The following XPNPEP3 variants were observed in gnomAD, a reference collection of about 807,000 sequenced individuals.
XPNPEP3 encodes the protein xaa-Pro aminopeptidase 3.
Under a neutral mutation model 60.0 loss-of-function variants are expected in XPNPEP3, and 41 were observed. The observed-to-expected ratio is 0.68, with a 90% CI of 0.53 to 0.89. The LOEUF is 0.89. XPNPEP3 is among the 40% of genes least tolerant of loss of function. XPNPEP3 has a pLI of 0.00. For synonymous variants in XPNPEP3, 212 were observed against 223.2 expected (o/e 0.95, Z 0.45); for missense variants, 598 against 638.9 (o/e 0.94, Z 0.69).
rs1399498007 is a variant in XPNPEP3 at position 40,929,684 on chromosome 22, AGTCCCAGATTAACTAACTATAG to A, written c.*3250_*3271del. 6.6e-6 allele frequency: 1 copy of A among 152,156 alleles called. No individual in the cohort carries two copies. The highest frequency in any genetic ancestry group is 1.9e-4 in the East Asian group (1 of 5,196). The allele number at this position is 152,156 out of a possible 1,614,324, so 9.4% of individuals were successfully genotyped here. Reference sequence around the variant, plus strand: ...CCTGACCCAGGTATATTGTCCTTTGAGTCCCAGATTAACTAACTATAGCAGCTAAGCATTTGAATCAGACTTC... The same window carrying A: ...CCTGACCCAGGTATATTGTCCTTTGACAGCTAAGCATTTGAATCAGACTTC... On this transcript the variant is annotated 3_prime_UTR_variant, in exon 10 of 10. Transcript: ENST00000357137.
chr22:40,885,270 G>T (rs1569021152), intron 3 of XPNPEP3, among the ~76,000 whole-genome samples: 2 of 152,046 alleles, frequency 1.3e-5, no homozygotes, highest in East Asian at 3.9e-4. Context: ...CTTCTCACTT[G>T]GATTGTTAGG....
intron 2 of XPNPEP3, among the ~76,000 whole-genome samples, chr22:40,877,678 T>C (rs779749403): frequency 1.3e-4 from 20 of 152,198 alleles, no homozygotes; most frequent in Non-Finnish European, 2.4e-4. Flanking sequence ...TCTTAAGTGG[T>C]TCCACATCAT....
chr22:40,869,709 G>A (rs527702782), intron 2 of XPNPEP3, among the ~76,000 whole-genome samples: 3 of 152,230 alleles, frequency 2.0e-5, no homozygotes, highest in South Asian at 2.1e-4. Flanking sequence ...AGATCCCAGC[G>A]TTGCTGCCAG....
intron 1 of XPNPEP3, among the ~76,000 whole-genome samples, chr22:40,859,087 C>T (rs1799385326): frequency 6.6e-6 from 1 of 152,094 alleles, no homozygotes; most frequent in Non-Finnish European, 1.5e-5. Context: ...GAGATGTGTT[C>T]CGCAGTAATT....
chr22:40,898,237 T>A lies in XPNPEP3; in HGVS notation c.793-9350T>A, dbSNP rs1331845499. On this transcript the variant is annotated intron_variant, in intron 4 of 9. Transcript: ENST00000357137. ...AGGTCTTTGACCCATTTTTTTTTTT[T>A]TTTTTTTTTTTTTTTTTTTTTTTTT... Among the ~76,000 whole-genome samples, 4 of 55,118 alleles carry A rather than the reference T, an allele frequency of 7.3e-5. No individual in the cohort carries two copies. The South Asian group carries it at 2.8e-3, about 38-fold the overall frequency. The allele number at this position is 55,118 out of a possible 152,430, so 36.2% of individuals were successfully genotyped here.
chr22:40,862,731 A>G (rs1034915879), intron 1 of XPNPEP3: 1 of 985,458 alleles, frequency 1.0e-6, no homozygotes, highest in African/African-American at 1.7e-5. Context: ...TTACTGCTGT[A>G]AAACATGTAA....
Position 40,861,441 on chromosome 22 carries a change from A to G in XPNPEP3, c.64+4196A>G, listed in dbSNP as rs200811246. ...GATTTTGTCTGAAGTTGTAACAGAT[A>G]TGTAGTTGTCCATCCCACTATTATC... On this transcript the variant is annotated intron_variant, in intron 1 of 9. Transcript: ENST00000357137. 8.0e-5 allele frequency: 129 copies of G among 1,614,000 alleles called. 1 individual carries two copies. The highest frequency in any genetic ancestry group is 1.2e-4 in the South Asian group (11 of 91,050).
At position 40,888,970 on chromosome 22, in the gene XPNPEP3, G is replaced by A. The variant is rs555507973; in HGVS notation, c.792+2455G>A. ...TTGTATTTCCCTAATGATTAGTGGT[G>A]TTGGGCATCTTTTTATGTGCTTCCT... On this transcript the variant is annotated intron_variant, in intron 4 of 9. Transcript: ENST00000357137. 3.9e-4 allele frequency among the ~76,000 whole-genome samples: 59 copies of A among 151,778 alleles called. 1 individual carries two copies. Among genetic ancestry groups the A allele is most frequent in the Admixed American group, 2.1e-3 (32 of 15,244 alleles).
chr22:40,891,154 G>A (rs2058086582), intron 4 of XPNPEP3, among the ~76,000 whole-genome samples: 2 of 127,762 alleles, frequency 1.6e-5, no homozygotes, highest in Non-Finnish European at 3.2e-5. Flanking sequence ...ACCAACCTAG[G>A]CCTCATAGTA....
Position 40,907,595 on chromosome 22 carries a change from A to G in XPNPEP3, c.801A>G (p.Ile267Met). Reference protein sequence around the residue: ...IAGKLTSQAFIETMFTSKAPV... With the variant: ...IAGKLTSQAFMETMFTSKAPV... ...CTCCTTTCTCTTTGCAGGCTTTCAT[A>G]GAAACCATGTTCACCAGTAAAGCCC... is the stretch of plus-strand genomic sequence containing the variant. The change falls in exon 5 of 10, where the codon ATA becomes ATG. Residue 267 changes from isoleucine to methionine, a missense_variant. Transcript: ENST00000357137. The G allele has an allele frequency of 6.2e-7, 1 of 1,614,046 alleles. No homozygotes were observed. Among genetic ancestry groups the G allele is most frequent in the Non-Finnish European group, 8.5e-7 (1 of 1,179,910 alleles).
chr22:40,913,488 G>A (rs958095051), intron 6 of XPNPEP3, among the ~76,000 whole-genome samples: 1 of 151,142 alleles, frequency 6.6e-6, no homozygotes, highest in African/African-American at 2.4e-5. Flanking sequence ...AAGTGTTTAA[G>A]GGTGGCTGTG....
At chr22:40,861,075 C>A in intron 1 of XPNPEP3, 1 of 1,586,322 alleles carries the variant, frequency 6.3e-7, no homozygotes, top group Non-Finnish European at 8.6e-7. Context: ...TTAACAATTC[C>A]TTTTGGTAGA....
At chr22:40,887,338 C>T (rs2058073314) in intron 4 of XPNPEP3, among the ~76,000 whole-genome samples, 1 of 152,130 alleles carries the variant, frequency 6.6e-6, no homozygotes, top group South Asian at 2.1e-4. Flanking sequence ...CTTTCTCTTA[C>T]AGATTAGGAA....
intron 1 of XPNPEP3, among the ~76,000 whole-genome samples, chr22:40,863,434 T>C (rs904701060): frequency 6.6e-6 from 1 of 152,226 alleles, no homozygotes; most frequent in South Asian, 2.1e-4. Context: ...TTCCATCACA[T>C]TTATAACCCC....
intron 4 of XPNPEP3, among the ~76,000 whole-genome samples, chr22:40,891,505 T>G (rs1264456871): frequency 6.6e-6 from 1 of 151,682 alleles, no homozygotes; most frequent in Admixed American, 6.6e-5. Flanking sequence ...ATACAAAAAT[T>G]AGCTGGGCGT....
intron 7 of XPNPEP3, among the ~76,000 whole-genome samples, chr22:40,920,532 C>T (rs532646135): frequency 5.3e-5 from 8 of 151,920 alleles, no homozygotes; most frequent in Non-Finnish European, 1.2e-4. Flanking sequence ...TATACCAAAG[C>T]AGTTGTGGCA....
intron 2 of XPNPEP3, chr22:40,870,409 A>G (rs1403118255): frequency 1.1e-5 from 2 of 185,688 alleles, no homozygotes; most frequent in Non-Finnish European, 2.3e-5. Context: ...GAATGTAAAT[A>G]AATATGTACA....
chr22:40,884,214 T>C (rs2058059182), intron 3 of XPNPEP3, among the ~76,000 whole-genome samples: 2 of 152,236 alleles, frequency 1.3e-5, no homozygotes, highest in African/African-American at 4.8e-5. Flanking sequence ...ATTTTCTTTC[T>C]AGCTTTTTTC....
At chr22:40,885,136 T>A (rs1451240455) in intron 3 of XPNPEP3, among the ~76,000 whole-genome samples, 1 of 152,154 alleles carries the variant, frequency 6.6e-6, no homozygotes, top group East Asian at 1.9e-4. Flanking sequence ...AATGAAAATA[T>A]GTAGGACATA....
Sources: gnomAD v4.1 joint callset for allele counts (sites outside exome capture counted in the v4.1 genomes callset) on GRCh38, gnomAD v4.1.1 for gene constraint, MANE v1.5 for transcripts, NCBI Gene and HGNC (gene_info 2026-07-23, HGNC 2026-07-21) for gene names.